SAMHD1: variants seen among roughly 807,000 people sequenced by gnomAD.
The protein encoded by SAMHD1 is deoxynucleoside triphosphate triphosphohydrolase SAMHD1.
A neutral mutation model predicts 79.6 loss-of-function variants in SAMHD1; 54 were observed. That is an observed-to-expected ratio of 0.68 (90% CI 0.55 to 0.85). The LOEUF (loss-of-function observed/expected upper bound fraction) is 0.85. Among genes scored for constraint, SAMHD1 ranks in the 40% least tolerant of loss-of-function variants. SAMHD1 has a pLI of 0.00. For missense variants in SAMHD1, 663 were observed against 782.7 expected (o/e 0.85, Z 1.82); for synonymous variants, 260 against 264.1 (o/e 0.98, Z 0.15).
intron 6 of SAMHD1, among the ~76,000 whole-genome samples, chr20:36,920,700 T>C (rs1485148558): frequency 6.7e-6 from 1 of 149,780 alleles, no homozygotes; most frequent in South Asian, 2.1e-4. Context: ...GAGGTGGAGG[T>C]TGCAGTGAGC....
At chr20:36,921,643 C>T (rs1439479888) in intron 6 of SAMHD1, among the ~76,000 whole-genome samples, 2 of 151,248 alleles carry the variant, frequency 1.3e-5, no homozygotes, top group African/African-American at 4.9e-5. Context: ...TCAAGCAATT[C>T]TCCTTCCTCA....
intron 2 of SAMHD1, among the ~76,000 whole-genome samples, chr20:36,946,042 G>A (rs565438820): frequency 6.6e-6 from 1 of 152,078 alleles, no homozygotes; most frequent in South Asian, 2.1e-4. Context: ...CAGCACTTTG[G>A]GAGGCCGAGG....
chr20:36,911,451 A>G (rs935046840), intron 10 of SAMHD1, 118 bp from the exon 11 acceptor site: 1 of 705,972 alleles, frequency 1.4e-6, no homozygotes, highest in Admixed American at 2.0e-5. Context: ...CAGTGTTCTA[A>G]AGACAACTGC....
intron 6 of SAMHD1, among the ~76,000 whole-genome samples, chr20:36,926,217 T>G (rs567805023): frequency 6.6e-6 from 1 of 152,296 alleles, no homozygotes; most frequent in African/African-American, 2.4e-5. Flanking sequence ...AAATTGTGAC[T>G]TATTTGCATA....
intron 5 of SAMHD1, among the ~76,000 whole-genome samples, chr20:36,929,566 C>G (rs1372140270): frequency 3.3e-5 from 5 of 151,944 alleles, no homozygotes. Context: ...GAAACTGCAT[C>G]TCTACTAAAA....
At chr20:36,893,553 A>G in intron 15 of SAMHD1, 1 of 281,894 alleles carries the variant, frequency 3.5e-6, no homozygotes, top group Non-Finnish European at 6.6e-6. Context: ...CCATCAGCAT[A>G]GGCTCCAGCC....
chr20:36,944,490 T>C (rs982657238), intron 2 of SAMHD1, among the ~76,000 whole-genome samples: 1 of 152,232 alleles, frequency 6.6e-6, no homozygotes, highest in Admixed American at 6.5e-5. Flanking sequence ...TCCTTTGTTT[T>C]GATTCTTTGG....
intron 3 of SAMHD1, among the ~76,000 whole-genome samples, chr20:36,938,396 C>A (rs139448397): frequency 6.6e-6 from 1 of 151,914 alleles, no homozygotes; most frequent in African/African-American, 2.4e-5. Flanking sequence ...AAAAATTAGC[C>A]GGGTGTGGTG....
At chr20:36,912,220 C>T (rs2063444810) in intron 10 of SAMHD1, 1 of 502,198 alleles carries the variant, frequency 2.0e-6, no homozygotes, top group Admixed American at 3.2e-5. Context: ...TAAGCCAGCT[C>T]TTCTTCCCTT....
At chr20:36,906,708 A>T (rs2063407154) in intron 11 of SAMHD1, among the ~76,000 whole-genome samples, 1 of 151,988 alleles carries the variant, frequency 6.6e-6, no homozygotes, top group Admixed American at 6.6e-5. Flanking sequence ...TATTTTGAAA[A>T]ATTTCAAAAT....
At chr20:36,890,162 G>A (rs1334189970), downstream of SAMHD1, 2 of 152,186 alleles carry the variant, frequency 1.3e-5, no homozygotes, top group Non-Finnish European at 2.9e-5. Flanking sequence ...AGGAGTAAAT[G>A]AGTAATATGC....
intron 4 of SAMHD1, among the ~76,000 whole-genome samples, chr20:36,932,929 A>T (rs1453091481): frequency 6.6e-6 from 1 of 151,984 alleles, no homozygotes; most frequent in Non-Finnish European, 1.5e-5. Context: ...GTTTTTTTTT[A>T]AAGTAGGAAT....
intron 5 of SAMHD1, among the ~76,000 whole-genome samples, chr20:36,927,575 C>G (rs923952001): frequency 6.6e-6 from 1 of 152,066 alleles, no homozygotes; most frequent in Non-Finnish European, 1.5e-5. Context: ...TCTCAGCCTC[C>G]CAAAGTGCTG....
chr20:36,936,968 C>T (rs2063608090), intron 3 of SAMHD1, among the ~76,000 whole-genome samples: 2 of 141,582 alleles, frequency 1.4e-5, no homozygotes, highest in South Asian at 4.3e-4. Flanking sequence ...TGATGAAATC[C>T]CGTCTCTACT....
At chr20:36,932,373 AG>A (rs2063573049) in intron 4 of SAMHD1, among the ~76,000 whole-genome samples, 1 of 132,116 alleles carries the variant, frequency 7.6e-6, no homozygotes, top group Non-Finnish European at 1.6e-5. Flanking sequence ...AAAAAAAAAA[AG>A]TAGAATGGTA....
At chr20:36,909,680 CAAAAAAAAAAAAAA>C (rs56389967) in intron 11 of SAMHD1, among the ~76,000 whole-genome samples, 4 of 121,204 alleles carry the variant, frequency 3.3e-5, no homozygotes, top group African/African-American at 7.6e-5. Flanking sequence ...CACCCCCCTC[CAAAAAAAAAAAAAA>C]AAAAAAAAAA....
chr20:36,916,303 C>T (rs144904731), intron 9 of SAMHD1, among the ~76,000 whole-genome samples: 36 of 151,844 alleles, frequency 2.4e-4, no homozygotes, highest in African/African-American at 7.7e-4. Context: ...CAGGGTTATA[C>T]GGAATGAGTT....
chr20:36,921,839 C>T (rs2063507731), intron 6 of SAMHD1, among the ~76,000 whole-genome samples: 1 of 152,060 alleles, frequency 6.6e-6, no homozygotes, highest in South Asian at 2.1e-4. Flanking sequence ...CAGGTGCCCA[C>T]CACCATGCCC....
intron 13 of SAMHD1, among the ~76,000 whole-genome samples, chr20:36,903,044 G>A (rs1362461612): frequency 6.6e-6 from 1 of 151,980 alleles, no homozygotes; most frequent in African/African-American, 2.4e-5. Flanking sequence ...CGGCCTACAC[G>A]TGGAGAGAAA....
Sources: allele counts gnomAD v4.1 joint callset (sites outside exome capture counted in the v4.1 genomes callset), GRCh38; gene constraint gnomAD v4.1.1; transcripts MANE v1.5; gene names NCBI Gene and HGNC (gene_info 2026-07-23, HGNC 2026-07-21).